Variants in EPB41L1 observed in about 807,000 individuals in gnomAD.
The protein encoded by EPB41L1 is band 4.1-like protein 1.
Under a neutral mutation model 97.8 loss-of-function variants are expected in EPB41L1, and 29 were observed. The ratio of observed to expected loss-of-function variants is 0.30; its 90% CI spans 0.22 to 0.40. The LOEUF (loss-of-function observed/expected upper bound fraction) is 0.40, where lower values mean the gene tolerates loss of function less well. EPB41L1 is among the 10% of genes least tolerant of loss of function. The pLI is 1.00. For synonymous variants in EPB41L1, 383 were observed against 459.2 expected (o/e 0.83, Z 2.12); for missense variants, 812 against 1,162.3 (o/e 0.70, Z 4.38).
Position 36,182,367 on chromosome 20 carries a change from A to G in EPB41L1, c.566+20A>G. On this transcript the variant is annotated intron_variant, in intron 6 of 21. Coordinates refer to ENST00000338074, the MANE Select transcript of EPB41L1 (RefSeq NM_012156.2). Reference sequence around the variant, plus strand: ...CACAAGGTGAGGGCTGTGGAGGGAGAGACAGGTGTGCTGGCTGTGTGGGAC... The same window carrying G: ...CACAAGGTGAGGGCTGTGGAGGGAGGGACAGGTGTGCTGGCTGTGTGGGAC... The G allele has an allele frequency of 6.2e-7, 1 of 1,613,330 alleles. No homozygotes were observed. Among genetic ancestry groups the G allele is most frequent in the Non-Finnish European group, 8.5e-7 (1 of 1,179,328 alleles).
At chr20:36,105,535 G>A (rs139748790) in intron 1 of EPB41L1, among the ~76,000 whole-genome samples, 16 of 152,170 alleles carry the variant, frequency 1.1e-4, no homozygotes, top group African/African-American at 3.4e-4. Flanking sequence ...AATATTTATT[G>A]AGCACCTATT....
At position 36,173,842 on chromosome 20, in the gene EPB41L1, C is replaced by CT. The variant is rs2061102989; in HGVS notation, c.65_66insT (p.Glu23ArgfsTer24). 1 of 1,613,414 alleles carries CT rather than the reference C, an allele frequency of 6.2e-7. No individual in the cohort carries two copies. Among genetic ancestry groups the CT allele is most frequent in the Admixed American group, 1.7e-5 (1 of 59,986 alleles). ...GCTCAGGAGGAGGCCCCGCAGCAGCCCGAGGCTGCTGCCGCTGTGACCACC... is the reference window on the plus strand; with the variant it reads ...GCTCAGGAGGAGGCCCCGCAGCAGCCTCGAGGCTGCTGCCGCTGTGACCACC... On this transcript the variant is annotated frameshift_variant, in exon 2 of 22. Transcript: ENST00000338074. LOFTEE classifies it high-confidence loss of function.
At chr20:36,218,513 A>G (rs1219100798) in intron 17 of EPB41L1, among the ~76,000 whole-genome samples, 5 of 152,208 alleles carry the variant, frequency 3.3e-5, no homozygotes, top group Non-Finnish European at 7.3e-5. Flanking sequence ...ATAGAGAGGA[A>G]GTGGCTCTGC....
chr20:36,110,019 G>C (rs370845982), intron 1 of EPB41L1: 1 of 148,916 alleles, frequency 6.7e-6, no homozygotes, highest in Non-Finnish European at 1.5e-5. Flanking sequence ...TCGGCTCACC[G>C]CGACCTCTGC....
In EPB41L1 at chr20:36,154,957, G is replaced by A; in HGVS notation, c.-15+61G>A. On this transcript the variant is annotated intron_variant, in intron 1 of 21. Transcript: ENST00000338074. The surrounding 1 kb of genome is among the most constrained non-coding windows in gnomAD (Gnocchi z 5.5). ...CGGGGGCTTGCAACATCTAGGCCCA[G>A]CCTCCAGCCCTGGGGAGGAACGGGG... is the stretch of plus-strand genomic sequence containing the variant. 1 of 1,153,496 alleles carries A rather than the reference G, an allele frequency of 8.7e-7. No individual in the cohort carries two copies. Among genetic ancestry groups the A allele is most frequent in the Non-Finnish European group, 1.1e-6 (1 of 918,370 alleles). 71.5% of individuals were successfully genotyped at this position (1,153,496 alleles called of 1,614,324 possible).
In EPB41L1 at chr20:36,203,188, T is replaced by G. The variant is rs145469534; in HGVS notation, c.1668+5147T>G. Among the ~76,000 whole-genome samples, 492 of 152,336 alleles carry G rather than the reference T, an allele frequency of 3.2e-3. 1 individual carries two copies. The highest frequency in any genetic ancestry group is 8.7e-3 in the African/African-American group (363 of 41,578). ...TGGCTCTACCCGTGCCTTCGCACCG[T>G]GGAAGTTTTTTTCTTTTTTGTTCAG... On this transcript the variant is annotated intron_variant, in intron 14 of 21. Transcript: ENST00000338074.
chr20:36,154,933 G>A lies in EPB41L1; in HGVS notation c.-15+37G>A. 1 of 1,101,258 alleles carries A rather than the reference G, an allele frequency of 9.1e-7. No individual in the cohort carries two copies. The highest frequency in any genetic ancestry group is 1.1e-6 in the Non-Finnish European group (1 of 893,904). The allele number at this position is 1,101,258 out of a possible 1,614,324, so 68.2% of individuals were successfully genotyped here. ...GGGGAATCAGGTGGCTCTCGGGGCC[G>A]GGGGCTTGCAACATCTAGGCCCAGC... On this transcript the variant is annotated intron_variant, in intron 1 of 21. Transcript: ENST00000338074. The surrounding 1 kb of genome is among the most constrained non-coding windows in gnomAD (Gnocchi z 5.5).
At position 36,206,792 on chromosome 20, in the gene EPB41L1, G is replaced by C; in HGVS notation, c.1669-2696G>C. 7.8e-7 allele frequency: 1 copy of C among 1,289,884 alleles called. No homozygotes were observed. Among genetic ancestry groups the C allele is most frequent in the Non-Finnish European group, 1.0e-6 (1 of 988,884 alleles). The allele number at this position is 1,289,884 out of a possible 1,614,324, so 79.9% of individuals were successfully genotyped here. A position where few individuals can be genotyped will look rare whatever the true frequency, so the allele number is the denominator to read the frequency against. ...GGAGAGTTTCCCCACCTGACAGCCA[G>C]CGCAGCCCGAGAGGAAGGGACCCCC... is the stretch of plus-strand genomic sequence containing the variant. On this transcript the variant is annotated intron_variant, in intron 14 of 21. Transcript: ENST00000338074. The surrounding 1 kb of genome is among the most constrained non-coding windows in gnomAD (Gnocchi z 5.5).
chr20:36,207,166 G>A lies in EPB41L1; in HGVS notation c.1669-2322G>A, dbSNP rs1441930654. On this transcript the variant is annotated intron_variant, in intron 14 of 21. Coordinates refer to ENST00000338074, the MANE Select transcript of EPB41L1 (RefSeq NM_012156.2). The surrounding 1 kb of genome is among the most constrained non-coding windows in gnomAD (Gnocchi z 4.9). The stretch of plus-strand genomic sequence containing the variant: ...AAGCCCAACCTCCCATGGGTCAGGG[G>A]AGCCTTCGGAGCTCAGGGAGCCCTT... 1.6e-6 allele frequency: 2 copies of A among 1,288,776 alleles called. No individual in the cohort carries two copies. Among genetic ancestry groups the A allele is most frequent in the East Asian group, 5.6e-5 (1 of 17,994 alleles). The allele number at this position is 1,288,776 out of a possible 1,614,324, so 79.8% of individuals were successfully genotyped here.
intron 3 of EPB41L1, 84 bp downstream of exon 3, chr20:36,175,799 G>A: frequency 6.7e-7 from 1 of 1,497,748 alleles, no homozygotes; most frequent in Non-Finnish European, 9.2e-7. Context: ...TACCCAGCTT[G>A]GGCCAAACCA....
At position 36,217,020 on chromosome 20, in the gene EPB41L1, A is replaced by ACT. The variant is rs567678499; in HGVS notation, c.2269-1853_2269-1852dup. Reference sequence around the variant, plus strand: ...CCTCCTTAGACCTATTGACTCGGAAACTCTAGGGTGGGGCCCAGCAGTGTG... The same window carrying ACT: ...CCTCCTTAGACCTATTGACTCGGAAACTCTCTAGGGTGGGGCCCAGCAGTGTG... On this transcript the variant is annotated intron_variant, in intron 17 of 21. Coordinates refer to ENST00000338074, the MANE Select transcript of EPB41L1 (RefSeq NM_012156.2). Among the ~76,000 whole-genome samples the ACT allele has an allele frequency of 3.4e-3, 511 of 152,104 alleles. 3 individuals carry two copies. Among genetic ancestry groups the ACT allele is most frequent in the Non-Finnish European group, 5.4e-3 (366 of 67,972 alleles).
intron 16 of EPB41L1, 146 bp from the exon 17 acceptor site, chr20:36,214,210 CT>C (rs2063308512): frequency 3.1e-6 from 2 of 638,230 alleles, no homozygotes; most frequent in Non-Finnish European, 5.7e-6. Flanking sequence ...TGTTGCACCT[CT>C]GTGATTTGGT....
intron 2 of EPB41L1, among the ~76,000 whole-genome samples, chr20:36,132,848 T>C (rs1409885816): frequency 6.6e-6 from 1 of 152,188 alleles, no homozygotes; most frequent in Non-Finnish European, 1.5e-5. Flanking sequence ...GAGGTAGTCC[T>C]GGTAGGTGTG....
chr20:36,174,045 G>T, intron 2 of EPB41L1, 91 bp downstream of exon 2: 1 of 1,367,428 alleles, frequency 7.3e-7, no homozygotes, highest in Non-Finnish European at 1.0e-6. Flanking sequence ...CTGGAGGGAG[G>T]AAAGAAGGAA....
At chr20:36,161,111 A>C (rs1448638228) in intron 1 of EPB41L1, among the ~76,000 whole-genome samples, 1 of 152,154 alleles carries the variant, frequency 6.6e-6, no homozygotes, top group African/African-American at 2.4e-5. Flanking sequence ...GCCTGGGGGA[A>C]CTGGTCTTGG....
chr20:36,181,194 C>T (rs980420682), intron 5 of EPB41L1, among the ~76,000 whole-genome samples: 11 of 152,126 alleles, frequency 7.2e-5, no homozygotes, highest in Admixed American at 3.9e-4. Flanking sequence ...GGATGGGCCT[C>T]GCTTTCTCAC....
intron 2 of EPB41L1, among the ~76,000 whole-genome samples, chr20:36,147,865 G>A (rs772325929): frequency 2.0e-5 from 3 of 152,126 alleles, no homozygotes; most frequent in Admixed American, 6.5e-5. Flanking sequence ...TCAGGCACCC[G>A]ACGGGAGGCT....
At chr20:36,148,173 GGT>G (rs2145402451) in intron 2 of EPB41L1, among the ~76,000 whole-genome samples, 1 of 152,252 alleles carries the variant, frequency 6.6e-6, no homozygotes, top group South Asian at 2.1e-4. Context: ...GGCCTTCAGG[GGT>G]GTGTGTGGGC....
At chr20:36,156,903 C>G (rs1464167047) in intron 1 of EPB41L1, among the ~76,000 whole-genome samples, 1 of 152,118 alleles carries the variant, frequency 6.6e-6, no homozygotes, top group East Asian at 1.9e-4. Context: ...CCTAAGAGCC[C>G]CTTTCTGGGC....
Sources: gnomAD v4.1 joint callset for allele counts (sites outside exome capture counted in the v4.1 genomes callset) on GRCh38, gnomAD v4.1.1 for gene constraint, Gnocchi (gnomAD v3.1) non-coding constraint, MANE v1.5 for transcripts, NCBI Gene and HGNC (gene_info 2026-07-23, HGNC 2026-07-21) for gene names.